PPM1L: variants seen among roughly 807,000 people sequenced by gnomAD.
PPM1L encodes the protein protein phosphatase 1L.
PPM1L carries 13 observed loss-of-function variants against 31.4 expected under a neutral mutation model. The observed-to-expected ratio is 0.41, with a 90% confidence interval of 0.27 to 0.66. PPM1L has a LOEUF of 0.66. Among genes scored for constraint, PPM1L ranks in the 30% least tolerant of loss-of-function variants. The pLI, the probability that PPM1L is intolerant of heterozygous loss-of-function variation, is 0.29. For synonymous variants in PPM1L, 184 were observed against 175.4 expected, an observed-to-expected ratio of 1.05 and a Z score of -0.39; for missense variants, 326 against 453.7, an observed-to-expected ratio of 0.72 and a Z score of 2.56.
intron 1 of PPM1L, among the ~76,000 whole-genome samples, chr3:160,795,312 T>C (rs1712216302): frequency 6.6e-6 from 1 of 152,162 alleles, no homozygotes; most frequent in African/African-American, 2.4e-5. Flanking sequence ...CGGTTAGCAT[T>C]TGGGGCTGGA....
intron 2 of PPM1L, among the ~76,000 whole-genome samples, chr3:161,051,182 C>T (rs1719264851): frequency 1.3e-5 from 2 of 152,218 alleles, no homozygotes; most frequent in Admixed American, 6.5e-5. Context: ...TCTGGGCTCT[C>T]ATAGTACTGT....
chr3:160,842,918 G>T (rs943164452), intron 1 of PPM1L, among the ~76,000 whole-genome samples: 1 of 152,106 alleles, frequency 6.6e-6, no homozygotes, highest in Non-Finnish European at 1.5e-5. Context: ...AAATGTATAT[G>T]TATTTTTTTC....
rs774288352 is a variant in PPM1L, at chr3:161,071,943, C to T, written c.*2786C>T. On this transcript the variant is annotated 3_prime_UTR_variant, in exon 4 of 4. Coordinates refer to ENST00000498165, the MANE Select transcript of PPM1L (RefSeq NM_139245.4). ...CTAGACTCCCTAGCTAGCTCGAGTT[C>T]GAATTGCCAATAGTCCCCATGGTGC... The T allele has an allele frequency of 6.6e-6, 1 of 152,182 alleles. No individual in the cohort carries two copies. Among genetic ancestry groups the T allele is most frequent in the Non-Finnish European group, 1.5e-5 (1 of 68,044 alleles). 9.4% of individuals were successfully genotyped at this position (152,182 alleles called of 1,614,324 possible).
chr3:161,059,103 A>G (rs1420901581), intron 2 of PPM1L, among the ~76,000 whole-genome samples: 1 of 152,208 alleles, frequency 6.6e-6, no homozygotes, highest in African/African-American at 2.4e-5. Flanking sequence ...TTAGTCCAAC[A>G]CAAAAACATG....
intron 2 of PPM1L, among the ~76,000 whole-genome samples, chr3:160,991,438 C>T (rs1407254889): frequency 6.6e-6 from 1 of 152,108 alleles, no homozygotes; most frequent in African/African-American, 2.4e-5. Flanking sequence ...AGTTAAGAAT[C>T]CCCAAGGAGA....
intron 1 of PPM1L, among the ~76,000 whole-genome samples, chr3:160,872,781 G>C (rs1230943391): frequency 6.6e-6 from 1 of 152,028 alleles, no homozygotes; most frequent in African/African-American, 2.4e-5. Context: ...AAAAAGATTA[G>C]CTGGGCGTGG....
At chr3:160,780,367 A>T (rs1342368832) in intron 1 of PPM1L, among the ~76,000 whole-genome samples, 1 of 152,220 alleles carries the variant, frequency 6.6e-6, no homozygotes, top group Non-Finnish European at 1.5e-5. Flanking sequence ...AGTGGGAACC[A>T]GTCTTAAGAA....
intron 2 of PPM1L, among the ~76,000 whole-genome samples, chr3:161,018,401 C>G (rs968280118): frequency 1.3e-5 from 2 of 152,130 alleles, no homozygotes; most frequent in African/African-American, 2.4e-5. Flanking sequence ...CATATGTTCT[C>G]TCTTCTTTCT....
intron 1 of PPM1L, among the ~76,000 whole-genome samples, chr3:160,873,570 C>G (rs1712394967): frequency 6.6e-6 from 1 of 151,432 alleles, no homozygotes; most frequent in East Asian, 1.9e-4. Context: ...TTATTTGAGG[C>G]AGATTCTCAC....
At chr3:160,942,821 C>G (rs1183101482) in intron 1 of PPM1L, among the ~76,000 whole-genome samples, 1 of 152,108 alleles carries the variant, frequency 6.6e-6, no homozygotes, top group East Asian at 1.9e-4. Flanking sequence ...CAGTTTTAGA[C>G]TTGCCATTTT....
chr3:160,860,438 G>A (rs1182549776), intron 1 of PPM1L, among the ~76,000 whole-genome samples: 2 of 152,066 alleles, frequency 1.3e-5, no homozygotes, highest in African/African-American at 4.8e-5. Context: ...TGAAACATAG[G>A]GATGTGTAAA....
At chr3:160,916,746 C>G (rs1714197738) in intron 1 of PPM1L, among the ~76,000 whole-genome samples, 1 of 151,910 alleles carries the variant, frequency 6.6e-6, no homozygotes, top group Admixed American at 6.6e-5. Context: ...GCTTTTTCCT[C>G]CATATGCTTC....
At chr3:160,784,515 A>G (rs1434934197) in intron 1 of PPM1L, among the ~76,000 whole-genome samples, 1 of 152,236 alleles carries the variant, frequency 6.6e-6, no homozygotes, top group Admixed American at 6.5e-5. Context: ...AAGCCACACA[A>G]TGTAAAATGA....
intron 1 of PPM1L, among the ~76,000 whole-genome samples, chr3:160,913,174 G>GC (rs1429020462): frequency 6.6e-6 from 1 of 152,006 alleles, no homozygotes; most frequent in Admixed American, 6.6e-5. Flanking sequence ...AGAGTTTTAG[G>GC]CCCCCCAACA....
chr3:160,904,096 T>G (rs1316689783), intron 1 of PPM1L, among the ~76,000 whole-genome samples: 4 of 152,138 alleles, frequency 2.6e-5, no homozygotes, highest in Admixed American at 1.3e-4. Flanking sequence ...CTACCATGAT[T>G]ATAATGAGTC....
chr3:160,995,027 A>G (rs1371111130), intron 2 of PPM1L, among the ~76,000 whole-genome samples: 1 of 152,220 alleles, frequency 6.6e-6, no homozygotes, highest in Non-Finnish European at 1.5e-5. Context: ...AGGTTGTAGG[A>G]CATTTCAAAT....
At chr3:160,824,718 C>G (rs1713305705) in intron 1 of PPM1L, among the ~76,000 whole-genome samples, 1 of 152,138 alleles carries the variant, frequency 6.6e-6, no homozygotes, top group Non-Finnish European at 1.5e-5. Flanking sequence ...AGTTTTGCAT[C>G]TGTACATACT....
chr3:160,969,383 A>G (rs1716251017), intron 2 of PPM1L, among the ~76,000 whole-genome samples: 1 of 152,232 alleles, frequency 6.6e-6, no homozygotes, highest in Admixed American at 6.5e-5. Context: ...CTACATTTTA[A>G]TTGGGACATT....
intron 1 of PPM1L, among the ~76,000 whole-genome samples, chr3:160,786,235 T>TTTA (rs1230108633): frequency 2.9e-5 from 3 of 104,162 alleles, no homozygotes; most frequent in African/African-American, 1.3e-4. Flanking sequence ...TTTTTTTTTT[T>TTTA]AAGACAGAGT....
Sources: gnomAD v4.1 joint callset for allele counts (sites outside exome capture counted in the v4.1 genomes callset) on GRCh38, gnomAD v4.1.1 for gene constraint, MANE v1.5 for transcripts, NCBI Gene and HGNC (gene_info 2026-07-23, HGNC 2026-07-21) for gene names.